The following ZFYVE28 variants were observed in gnomAD, a reference collection of about 807,000 sequenced individuals.
ZFYVE28 encodes zinc finger FYVE-type containing 28, also known as lateral signaling target protein 2 homolog.
A neutral mutation model predicts 82.1 loss-of-function variants in ZFYVE28; 40 were observed. That is an observed-to-expected ratio of 0.49 (90% CI 0.38 to 0.63). The LOEUF is 0.63. ZFYVE28 is among the 30% of genes least tolerant of loss of function. The pLI, the probability that ZFYVE28 is intolerant of heterozygous loss-of-function variation, is 0.00. For missense variants in ZFYVE28, 1,321 were observed against 1,242.1 expected, an observed-to-expected ratio of 1.06 and a Z score of -0.96; for synonymous variants, 612 against 546.1, an observed-to-expected ratio of 1.12 and a Z score of -1.68.
chr4:2,291,522 G>T lies in ZFYVE28; in HGVS notation c.2051+12767C>A, dbSNP rs547476327. On this transcript the variant is annotated intron_variant, in intron 8 of 12. Transcript: ENST00000290974. ...ACCCCTTGACGGGCTCCCTGATGCT[G>T]CCAGGAGCAGGGAGTAGGGCCGGAA... 7.4e-4 allele frequency among the ~76,000 whole-genome samples: 112 copies of T among 152,334 alleles called. 1 individual carries two copies. The highest frequency in any genetic ancestry group is 2.5e-3 in the African/African-American group (102 of 41,576).
Position 2,335,743 on chromosome 4 carries a change from C to CGGCT in ZFYVE28, c.659_662dup (p.Leu223GlyfsTer96), listed in dbSNP as rs1560225471. 6.3e-7 allele frequency: 1 copy of CGGCT among 1,575,588 alleles called. No individual in the cohort carries two copies. On this transcript the variant is annotated frameshift_variant, in exon 6 of 13. Coordinates refer to ENST00000290974, the MANE Select transcript of ZFYVE28 (RefSeq NM_020972.3). LOFTEE classifies it high-confidence loss of function. The surrounding 1 kb of genome is among the most constrained non-coding windows in gnomAD (Gnocchi z 5.8). Reference sequence around the variant, plus strand: ...GCCTGGGGATGCTGAACATGAGGGCCGGCTCGTAGTCATCAATCATGTCCT... The same window carrying CGGCT: ...GCCTGGGGATGCTGAACATGAGGGCCGGCTGGCTCGTAGTCATCAATCATGTCCT...
At chr4:2,303,765 G>T (rs1715997518) in intron 8 of ZFYVE28, among the ~76,000 whole-genome samples, 1 of 152,216 alleles carries the variant, frequency 6.6e-6, no homozygotes, top group Non-Finnish European at 1.5e-5. Context: ...GGTGGTCTCA[G>T]CACCCCTCAT....
chr4:2,307,473 C>T (rs541474013), intron 7 of ZFYVE28, among the ~76,000 whole-genome samples: 15 of 151,942 alleles, frequency 9.9e-5, no homozygotes, highest in Non-Finnish European at 1.6e-4. Context: ...AGATGTTCTC[C>T]TTGATATTTT....
At chr4:2,370,132 A>G (rs370798296) in intron 1 of ZFYVE28, among the ~76,000 whole-genome samples, 23 of 151,760 alleles carry the variant, frequency 1.5e-4, no homozygotes, top group South Asian at 8.3e-4. Context: ...ACAGGTGTGA[A>G]CCAACACGCC....
chr4:2,337,346 C>A (rs1043982663), intron 5 of ZFYVE28, 61 bp downstream of exon 5: 1 of 1,484,230 alleles, frequency 6.7e-7, no homozygotes, highest in East Asian at 2.5e-5. Flanking sequence ...TGCCCCGGGC[C>A]TGGAGTGAGG....
intron 8 of ZFYVE28, among the ~76,000 whole-genome samples, chr4:2,280,367 G>A (rs987647862): frequency 6.6e-6 from 1 of 152,030 alleles, no homozygotes; most frequent in Admixed American, 6.6e-5. Flanking sequence ...AATTAGCCAG[G>A]CATGATGGTG....
intron 1 of ZFYVE28, among the ~76,000 whole-genome samples, chr4:2,389,944 G>A (rs552776108): frequency 3.1e-4 from 47 of 152,288 alleles, no homozygotes; most frequent in Non-Finnish European, 5.1e-4. Context: ...GACGCCCAAC[G>A]CCTCCCTTCC....
chr4:2,379,499 A>C (rs892518875), intron 1 of ZFYVE28, among the ~76,000 whole-genome samples: 1 of 152,172 alleles, frequency 6.6e-6, no homozygotes, highest in African/African-American at 2.4e-5. Flanking sequence ...CATTATAATC[A>C]TTGACATTTA....
chr4:2,327,429 T>C (rs1379514913), intron 6 of ZFYVE28, among the ~76,000 whole-genome samples: 1 of 151,638 alleles, frequency 6.6e-6, no homozygotes, highest in Non-Finnish European at 1.5e-5. Context: ...TTAATAGAAG[T>C]GGGAAGAGTA....
chr4:2,418,345 A>T lies in ZFYVE28; in HGVS notation c.-22T>A, dbSNP rs1733358899. On this transcript the variant is annotated 5_prime_UTR_variant, in exon 1 of 13. Coordinates refer to ENST00000290974, the MANE Select transcript of ZFYVE28 (RefSeq NM_020972.3). This position sits in a 1 kb window ranked among gnomAD's most constrained non-coding sequence, Gnocchi z 4.6. Reference sequence around the variant, plus strand: ...TCATCGCCGCGCCGGCCCTGGCCGGACTCCGGGCGGCCCTCGCCCTCCGCA... The same window carrying T: ...TCATCGCCGCGCCGGCCCTGGCCGGTCTCCGGGCGGCCCTCGCCCTCCGCA... 2 of 1,493,244 alleles carry T rather than the reference A, an allele frequency of 1.3e-6. No homozygotes were observed. Among genetic ancestry groups the T allele is most frequent in the African/African-American group, 2.9e-5 (2 of 68,746 alleles). The allele number at this position is 1,493,244 out of a possible 1,614,324, so 92.5% of individuals were successfully genotyped here.
At chr4:2,393,885 G>A (rs1730105413) in intron 1 of ZFYVE28, among the ~76,000 whole-genome samples, 2 of 152,152 alleles carry the variant, frequency 1.3e-5, no homozygotes, top group Admixed American at 6.5e-5. Flanking sequence ...CAAACTCCAC[G>A]GCTTAAGATG....
chr4:2,298,782 G>T (rs7666302), intron 8 of ZFYVE28, among the ~76,000 whole-genome samples: 8,968 of 152,234 alleles, frequency 0.059, 607 homozygotes, highest in East Asian at 0.2. Flanking sequence ...GCCAGCGCCC[G>T]GGCAGCCTTG....
At chr4:2,414,415 G>C (rs778624246) in intron 1 of ZFYVE28, among the ~76,000 whole-genome samples, 19 of 152,260 alleles carry the variant, frequency 1.2e-4, no homozygotes, top group Non-Finnish European at 2.4e-4. Context: ...GGCCTGGAAT[G>C]TTTACAGGAA....
chr4:2,311,094 C>T (rs1424794898), intron 7 of ZFYVE28, among the ~76,000 whole-genome samples: 1 of 151,996 alleles, frequency 6.6e-6, no homozygotes, highest in Admixed American at 6.6e-5. Context: ...TTTATAATAT[C>T]CTCATATCAT....
Position 2,418,201 on chromosome 4 carries a change from T to A in ZFYVE28, c.39+84A>T. The A allele has an allele frequency of 2.3e-6, 3 of 1,329,368 alleles. No individual in the cohort carries two copies. The highest frequency in any genetic ancestry group is 1.0e-6 in the Non-Finnish European group (1 of 993,004). The allele number at this position is 1,329,368 out of a possible 1,614,324, so 82.3% of individuals were successfully genotyped here. Reference sequence around the variant, plus strand: ...GCCGGCCACGGACAGGGAAAGGGAGTCCGTCTTGTAGGGCGGACGGGCGGT... The same window carrying A: ...GCCGGCCACGGACAGGGAAAGGGAGACCGTCTTGTAGGGCGGACGGGCGGT... On this transcript the variant is annotated intron_variant, in intron 1 of 12. Coordinates refer to ENST00000290974, the MANE Select transcript of ZFYVE28 (RefSeq NM_020972.3). This position sits in a 1 kb window ranked among gnomAD's most constrained non-coding sequence, Gnocchi z 4.6.
chr4:2,385,216 A>G (rs1018115879), intron 1 of ZFYVE28, among the ~76,000 whole-genome samples: 2 of 152,186 alleles, frequency 1.3e-5, no homozygotes, highest in Non-Finnish European at 2.9e-5. Flanking sequence ...GGACAGACAG[A>G]CCTGGGCCAT....
intron 6 of ZFYVE28, among the ~76,000 whole-genome samples, chr4:2,321,532 G>A (rs1026292865): frequency 1.3e-5 from 2 of 152,066 alleles, no homozygotes; most frequent in Non-Finnish European, 2.9e-5. Context: ...AGCACAACCA[G>A]CCTTCCATTC....
At position 2,362,622 on chromosome 4, in the gene ZFYVE28, G is replaced by A. The variant is rs143188459; in HGVS notation, c.40-8549C>T. Among the ~76,000 whole-genome samples, 2 of 152,272 alleles carry A rather than the reference G, an allele frequency of 1.3e-5. No homozygotes were observed. Among genetic ancestry groups the A allele is most frequent in the East Asian group, 1.9e-4 (1 of 5,150 alleles). ...ACAGCAGACACCCCAGGGGCTGCCA[G>A]GCTGGGGGCCCACTGACCTGGCAGC... On this transcript the variant is annotated intron_variant, in intron 1 of 12. Transcript: ENST00000290974. This position sits in a 1 kb window ranked among gnomAD's most constrained non-coding sequence, Gnocchi z 5.1.
At chr4:2,272,965 C>CTGCTGCTG (rs1736047247) in intron 10 of ZFYVE28, among the ~76,000 whole-genome samples, 1 of 152,228 alleles carries the variant, frequency 6.6e-6, no homozygotes. Context: ...CTTCCTGGGC[C>CTGCTGCTG]TGCTGCTGTG....
Sources: allele counts gnomAD v4.1 joint callset (sites outside exome capture counted in the v4.1 genomes callset), GRCh38; gene constraint gnomAD v4.1.1; non-coding constraint Gnocchi (gnomAD v3.1); transcripts MANE v1.5; gene names NCBI Gene and HGNC (gene_info 2026-07-23, HGNC 2026-07-21).